SLC2A13: variants seen among roughly 807,000 people sequenced by gnomAD.
SLC2A13 encodes proton myo-inositol cotransporter.
A neutral mutation model predicts 64.4 loss-of-function variants in SLC2A13; 32 were observed. The ratio of observed to expected loss-of-function variants is 0.50; its 90% confidence interval spans 0.37 to 0.67. The LOEUF (loss-of-function observed/expected upper bound fraction) is 0.67. SLC2A13 is among the 30% of genes least tolerant of loss of function. The pLI is 0.00. For synonymous variants in SLC2A13, 338 were observed against 327.1 expected (o/e 1.03, Z -0.36); for missense variants, 743 against 829.2 (o/e 0.90, Z 1.28).
intron 7 of SLC2A13, among the ~76,000 whole-genome samples, chr12:39,794,410 C>CTCT (rs1179289140): frequency 3.3e-5 from 5 of 152,154 alleles, no homozygotes; most frequent in Non-Finnish European, 7.4e-5. Context: ...CTAGAGCTGC[C>CTCT]TCTTTACATA....
At chr12:39,803,513 T>G (rs1281347409) in intron 7 of SLC2A13, among the ~76,000 whole-genome samples, 3 of 152,042 alleles carry the variant, frequency 2.0e-5, no homozygotes, top group African/African-American at 7.2e-5. Flanking sequence ...ACCTTCAGAT[T>G]TAAAAAGATA....
intron 4 of SLC2A13, among the ~76,000 whole-genome samples, chr12:39,918,273 A>G (rs1227232861): frequency 6.6e-6 from 1 of 152,124 alleles, no homozygotes; most frequent in East Asian, 1.9e-4. Context: ...TTAATATGGC[A>G]CATCTTACTG....
chr12:39,897,097 GTTCT>G (rs769263326), intron 4 of SLC2A13, among the ~76,000 whole-genome samples: 8 of 152,128 alleles, frequency 5.3e-5, no homozygotes, highest in Non-Finnish European at 8.8e-5. Context: ...CTAGTTGATA[GTTCT>G]TTCTTTATCA....
intron 1 of SLC2A13, among the ~76,000 whole-genome samples, chr12:40,096,086 ATT>A (rs751983372): frequency 6.4e-5 from 9 of 141,076 alleles, no homozygotes; most frequent in Non-Finnish European, 6.2e-5. Context: ...CGCCTGGCTA[ATT>A]TTTTTTTTTT....
chr12:39,769,921 G>A (rs1388094904), intron 7 of SLC2A13, among the ~76,000 whole-genome samples: 1 of 151,994 alleles, frequency 6.6e-6, no homozygotes, highest in Non-Finnish European at 1.5e-5. Flanking sequence ...TCAAACAAAA[G>A]TCATCAATTA....
chr12:39,908,563 C>CGGGGA (rs2136035614), intron 4 of SLC2A13, among the ~76,000 whole-genome samples: 1 of 150,924 alleles, frequency 6.6e-6, no homozygotes, highest in East Asian at 1.9e-4. Flanking sequence ...AAAGGCAAGG[C>CGGGGA]GGGGAGGGGA....
At chr12:39,839,189 G>A (rs1254013770) in intron 6 of SLC2A13, among the ~76,000 whole-genome samples, 4 of 152,080 alleles carry the variant, frequency 2.6e-5, no homozygotes, top group Middle Eastern at 3.4e-3. Flanking sequence ...AGAGAACACC[G>A]CCACTACCAG....
At chr12:39,776,037 T>C (rs4391873) in intron 7 of SLC2A13, among the ~76,000 whole-genome samples, 148,044 of 152,300 alleles carry the variant, frequency 0.97, 71,954 homozygotes, top group East Asian at 1. Context: ...CAGTATTAAT[T>C]TGAGAAGATG....
At chr12:40,099,089 T>C (rs1226683552) in intron 1 of SLC2A13, among the ~76,000 whole-genome samples, 1 of 152,222 alleles carries the variant, frequency 6.6e-6, no homozygotes, top group African/African-American at 2.4e-5. Context: ...AAGGCCTAAC[T>C]AGAAAGCATG....
intron 1 of SLC2A13, among the ~76,000 whole-genome samples, chr12:40,055,081 G>A (rs976716623): frequency 3.3e-5 from 5 of 152,162 alleles, no homozygotes; most frequent in Non-Finnish European, 5.9e-5. Context: ...GGGCTGATAT[G>A]TTTACATTTT....
intron 4 of SLC2A13, among the ~76,000 whole-genome samples, chr12:39,919,424 G>A (rs1477889307): frequency 1.3e-5 from 2 of 152,002 alleles, no homozygotes; most frequent in Non-Finnish European, 2.9e-5. Context: ...GAGGTATGTT[G>A]TAAAATGAAA....
intron 4 of SLC2A13, among the ~76,000 whole-genome samples, chr12:39,883,146 T>A (rs1450221967): frequency 3.3e-5 from 5 of 152,202 alleles, no homozygotes; most frequent in African/African-American, 1.2e-4. Context: ...TAAATTTTAA[T>A]CTCTTTAATA....
chr12:40,011,572 A>G (rs1329473065), intron 3 of SLC2A13, among the ~76,000 whole-genome samples: 4 of 152,186 alleles, frequency 2.6e-5, no homozygotes, highest in Non-Finnish European at 4.4e-5. Context: ...AACATCATAA[A>G]CATGCATAAA....
intron 3 of SLC2A13, among the ~76,000 whole-genome samples, chr12:39,969,993 G>T (rs902507761): frequency 6.6e-6 from 1 of 152,200 alleles, no homozygotes; most frequent in Non-Finnish European, 1.5e-5. Flanking sequence ...GTAAGGAAGG[G>T]ATCCAGTTTC....
chr12:39,760,760 T>A (rs1235675323), intron 9 of SLC2A13, among the ~76,000 whole-genome samples: 1 of 152,020 alleles, frequency 6.6e-6, no homozygotes, highest in East Asian at 1.9e-4. Flanking sequence ...AGATTATGCA[T>A]GTCAATGCAG....
intron 3 of SLC2A13, among the ~76,000 whole-genome samples, chr12:39,965,585 C>CACAGA (rs1254591836): frequency 6.6e-6 from 1 of 152,116 alleles, no homozygotes. Context: ...TCACAGATGT[C>CACAGA]TACTTATATA....
chr12:40,066,487 A>G (rs563873879), intron 1 of SLC2A13, among the ~76,000 whole-genome samples: 1 of 152,300 alleles, frequency 6.6e-6, no homozygotes, highest in South Asian at 2.1e-4. Context: ...ATGTCCCACT[A>G]TGTTCTAGAG....
chr12:39,869,297 T>A (rs1028666365), intron 5 of SLC2A13, among the ~76,000 whole-genome samples: 1 of 152,186 alleles, frequency 6.6e-6, no homozygotes. Flanking sequence ...AAAGGTCCAT[T>A]GGTCATTATC....
At chr12:39,812,996 A>T (rs867865071) in intron 7 of SLC2A13, among the ~76,000 whole-genome samples, 6 of 40,602 alleles carry the variant, frequency 1.5e-4, no homozygotes, top group African/African-American at 1.9e-4. Flanking sequence ...TGCCCAGCTA[A>T]TTTTTTTTTT....
Sources: allele counts gnomAD v4.1 joint callset (sites outside exome capture counted in the v4.1 genomes callset), GRCh38; gene constraint gnomAD v4.1.1; transcripts MANE v1.5; gene names NCBI Gene and HGNC (gene_info 2026-07-23, HGNC 2026-07-21).